Variants in WDR59 observed in about 807,000 individuals in gnomAD.
The protein encoded by WDR59 is WD repeat domain 59, also known as GATOR2 complex protein WDR59.
WDR59 carries 100 observed loss-of-function variants against 131.2 expected under a neutral mutation model. The observed-to-expected ratio is 0.76, with a 90% CI of 0.65 to 0.90. WDR59 has a LOEUF of 0.90. Among genes scored for constraint, WDR59 ranks in the 40% least tolerant of loss-of-function variants. The pLI, the probability that WDR59 is intolerant of heterozygous loss-of-function variation, is 0.00. For missense variants in WDR59, 1,203 were observed against 1,262.2 expected, an observed-to-expected ratio of 0.95 and a Z score of 0.71; for synonymous variants, 601 against 466.2, an observed-to-expected ratio of 1.29 and a Z score of -3.72.
intron 25 of WDR59, among the ~76,000 whole-genome samples, chr16:74,881,189 G>A (rs1009580512): frequency 6.6e-6 from 1 of 152,114 alleles, no homozygotes; most frequent in Non-Finnish European, 1.5e-5. Flanking sequence ...ATGAAACCAT[G>A]AGCCCCGTCT....
In WDR59 at chr16:74,934,939, G is replaced by C. The variant is rs148517982; in HGVS notation, c.651+3211C>G. Reference sequence around the variant, plus strand: ...GCTACATGTTTCTCACCAGAATGTAGCAAGGGTGGTCGGGCATGGTGGCTC... The same window carrying C: ...GCTACATGTTTCTCACCAGAATGTACCAAGGGTGGTCGGGCATGGTGGCTC... On this transcript the variant is annotated intron_variant, in intron 8 of 25. Transcript: ENST00000262144. Among the ~76,000 whole-genome samples, 492 of 151,932 alleles carry C rather than the reference G, an allele frequency of 3.2e-3. 2 individuals carry two copies. Among genetic ancestry groups the C allele is most frequent in the African/African-American group, 0.011 (439 of 41,482 alleles).
At chr16:74,969,873 A>C (rs1373470683) in intron 1 of WDR59, among the ~76,000 whole-genome samples, 1 of 151,082 alleles carries the variant, frequency 6.6e-6, no homozygotes, top group Admixed American at 6.6e-5. Flanking sequence ...TGCAGCCTCA[A>C]ACTCCTAGAT....
chr16:74,909,743 A>C, intron 15 of WDR59, 79 bp downstream of exon 15: 1 of 1,570,422 alleles, frequency 6.4e-7, no homozygotes, highest in Non-Finnish European at 8.6e-7. Context: ...ACAAAACCAG[A>C]AAACCCATGA....
chr16:74,951,092 G>A (rs1173725722), intron 4 of WDR59, among the ~76,000 whole-genome samples: 3 of 150,900 alleles, frequency 2.0e-5, no homozygotes, highest in Non-Finnish European at 4.4e-5. Flanking sequence ...CCCAGGAAGC[G>A]GTGGTTGCAG....
chr16:74,908,667 T>G, intron 17 of WDR59: 1 of 393,276 alleles, frequency 2.5e-6, no homozygotes, highest in Non-Finnish European at 4.5e-6. Context: ...GAATTTGCCT[T>G]GTTTTGACAA....
rs1438367777 is a variant in WDR59 at position 74,908,609 on chromosome 16, CAAATAAT to C, written c.1712+292_1712+298del. On this transcript the variant is annotated intron_variant, in intron 17 of 25. Transcript: ENST00000262144. ...AATTGAATAATAAAATAATTAAAAACAAATAATAAATAATATGCTAGCAATAGGGGAA... is the reference window on the plus strand; with the variant it reads ...AATTGAATAATAAAATAATTAAAAACAAATAATATGCTAGCAATAGGGGAA... 6 of 270,402 alleles carry C rather than the reference CAAATAAT, an allele frequency of 2.2e-5. No homozygotes were observed. In the East Asian group the frequency reaches 4.1e-4, roughly 18 times the overall value. 16.8% of individuals were successfully genotyped at this position (270,402 alleles called of 1,614,324 possible). A position where few individuals can be genotyped will look rare whatever the true frequency, so the allele number is the denominator to read the frequency against.
In WDR59 at chr16:74,965,144, G is replaced by T. The variant is rs541112357; in HGVS notation, c.104+629C>A. Among the ~76,000 whole-genome samples the T allele has an allele frequency of 3.9e-5, 6 of 152,256 alleles. No individual in the cohort carries two copies. The South Asian group carries it at 1.2e-3, about 32-fold the overall frequency. ...GGTCTTGAACTCCTTGGCTCACGTG[G>T]TCCTCCTGCCTCAGCTTCGCAAGTA... On this transcript the variant is annotated intron_variant, in intron 2 of 25. Coordinates refer to ENST00000262144, the MANE Select transcript of WDR59 (RefSeq NM_030581.4).
At chr16:74,923,854 T>A in intron 9 of WDR59, 72 bp downstream of exon 9, 1 of 1,338,392 alleles carries the variant, frequency 7.5e-7, no homozygotes, top group Non-Finnish European at 1.0e-6. Context: ...TAAGAGAAAA[T>A]GTCCCCGGGC....
chr16:74,930,494 C>A (rs917721877), intron 8 of WDR59, among the ~76,000 whole-genome samples: 3 of 151,836 alleles, frequency 2.0e-5, no homozygotes, highest in Non-Finnish European at 4.4e-5. Flanking sequence ...AGCTTGAAAA[C>A]ATGGTAAAAA....
At chr16:74,984,550 C>T in intron 1 of WDR59, 1 of 227,066 alleles carries the variant, frequency 4.4e-6, no homozygotes, top group East Asian at 1.0e-4. Context: ...TCGAATTCAC[C>T]CCAACAGGGT....
intron 1 of WDR59, among the ~76,000 whole-genome samples, chr16:74,983,347 C>T (rs2034500308): frequency 6.6e-6 from 1 of 151,966 alleles, no homozygotes. Flanking sequence ...GTGGCACGTG[C>T]CTGTAATCCC....
chr16:74,899,780 G>T, intron 18 of WDR59: 1 of 1,286,536 alleles, frequency 7.8e-7, no homozygotes, highest in Non-Finnish European at 1.0e-6. Flanking sequence ...TTACACCCAG[G>T]AGGAGGGAAG....
chr16:74,951,902 T>C lies in WDR59; in HGVS notation c.241-359A>G, dbSNP rs542004907. ...CCTCCTCCCTCTGAAGGTCACACACTCGTCTCCCCAGCTGCTGGTACACTG... is the reference window on the plus strand; with the variant it reads ...CCTCCTCCCTCTGAAGGTCACACACCCGTCTCCCCAGCTGCTGGTACACTG... On this transcript the variant is annotated intron_variant, in intron 3 of 25. Transcript: ENST00000262144. Among the ~76,000 whole-genome samples, 108 of 151,876 alleles carry C rather than the reference T, an allele frequency of 7.1e-4. 1 individual carries two copies. In the South Asian group the frequency reaches 1.0e-2, roughly 14 times the overall value.
At chr16:74,951,339 C>T (rs1450310515) in intron 4 of WDR59, 119 bp downstream of exon 4, 1 of 996,684 alleles carries the variant, frequency 1.0e-6, no homozygotes, top group African/African-American at 1.6e-5. Context: ...CCGCTGACCA[C>T]CCGGGACCTG....
intron 1 of WDR59, 133 bp from the exon 2 acceptor site, chr16:74,965,955 T>C (rs1597807309): frequency 1.3e-6 from 1 of 790,048 alleles, no homozygotes; most frequent in South Asian, 1.7e-5. Context: ...TTCTCTACAG[T>C]GGATGCTTCT....
chr16:74,963,935 G>A (rs1461565489), intron 2 of WDR59, among the ~76,000 whole-genome samples: 1 of 151,274 alleles, frequency 6.6e-6, no homozygotes, highest in African/African-American at 2.4e-5. Flanking sequence ...GAAAGAGAGA[G>A]AGAGAGAATA....
At chr16:74,894,781 T>A (rs1179822728) in intron 18 of WDR59, among the ~76,000 whole-genome samples, 3 of 152,232 alleles carry the variant, frequency 2.0e-5, no homozygotes, top group Non-Finnish European at 4.4e-5. Flanking sequence ...GTTATGAATT[T>A]AGTCTAAGGC....
chr16:74,929,200 G>A (rs937029045), intron 8 of WDR59, among the ~76,000 whole-genome samples: 3 of 152,088 alleles, frequency 2.0e-5, no homozygotes, highest in Non-Finnish European at 4.4e-5. Flanking sequence ...TCAGCCTTCC[G>A]AATAGCTGGG....
At chr16:74,889,847 A>G in intron 20 of WDR59, 32 bp from the exon 21 acceptor site, 1 of 1,551,490 alleles carries the variant, frequency 6.4e-7, no homozygotes, top group Non-Finnish European at 8.8e-7. Flanking sequence ...ACAAACTCAA[A>G]CTGGCAAGGA....
Sources: gnomAD v4.1 joint callset for allele counts (sites outside exome capture counted in the v4.1 genomes callset) on GRCh38, gnomAD v4.1.1 for gene constraint, MANE v1.5 for transcripts, NCBI Gene and HGNC (gene_info 2026-07-23, HGNC 2026-07-21) for gene names.